Variants in THSD4 observed in about 807,000 individuals in gnomAD.
THSD4 encodes the protein thrombospondin type 1 domain containing 4, also known as thrombospondin type-1 domain-containing protein 4.
Under a neutral mutation model 119.0 loss-of-function variants are expected in THSD4, and 69 were observed. That is an observed-to-expected ratio of 0.58 (90% CI 0.48 to 0.71). THSD4 has a LOEUF of 0.71. Ranked by LOEUF, THSD4 falls within the 30% of genes least tolerant of loss-of-function variation. The pLI is 0.00. For missense variants in THSD4, 1,393 were observed against 1,391.1 expected (o/e 1.00, Z -0.02); for synonymous variants, 524 against 540.4 (o/e 0.97, Z 0.42).
intron 7 of THSD4, among the ~76,000 whole-genome samples, chr15:71,651,416 G>A (rs1007038840): frequency 6.6e-6 from 1 of 152,144 alleles, no homozygotes; most frequent in Non-Finnish European, 1.5e-5. Context: ...TCTTCAGCCT[G>A]CCATTTCCCA....
intron 7 of THSD4, among the ~76,000 whole-genome samples, chr15:71,470,924 C>T (rs1298591393): frequency 2.6e-5 from 4 of 152,090 alleles, no homozygotes; most frequent in South Asian, 2.1e-4. Flanking sequence ...CGTGAGCCAC[C>T]GCGCCCGGCC....
chr15:71,532,077 G>A (rs2048617174), intron 7 of THSD4, among the ~76,000 whole-genome samples: 1 of 138,208 alleles, frequency 7.2e-6, no homozygotes, highest in Non-Finnish European at 1.6e-5. Flanking sequence ...AAGCCATGCT[G>A]AGGAGTAAGT....
At chr15:71,199,673 AG>A in intron 3 of THSD4, among the ~76,000 whole-genome samples, 1 of 22,026 alleles carries the variant, frequency 4.5e-5, no homozygotes, top group Non-Finnish European at 8.5e-5. Context: ...GCATGTGTGG[AG>A]GGTGTGTGTG....
At chr15:71,428,076 T>A (rs983023416) in intron 7 of THSD4, among the ~76,000 whole-genome samples, 2 of 152,026 alleles carry the variant, frequency 1.3e-5, no homozygotes, top group African/African-American at 4.8e-5. Flanking sequence ...AACTGAGAAA[T>A]GAGGGGAAAC....
At chr15:71,314,481 A>G (rs1441518723) in intron 6 of THSD4, among the ~76,000 whole-genome samples, 2 of 151,848 alleles carry the variant, frequency 1.3e-5, no homozygotes, top group East Asian at 1.9e-4. Flanking sequence ...TAATTATTGT[A>G]TATTTAGTGG....
chr15:71,098,430 A>C (rs184598676), intron 1 of THSD4, among the ~76,000 whole-genome samples: 6 of 151,906 alleles, frequency 3.9e-5, no homozygotes, highest in African/African-American at 1.2e-4. Context: ...ATGATTTCAT[A>C]ATTTGTGTAT....
chr15:71,362,825 T>C lies in THSD4; in HGVS notation c.1016-48862T>C, dbSNP rs183155869. ...ATCCACTTTATTTCATTGTGTTTTA[T>C]ATTCTTCTCTATGTATACTCACTGC... On this transcript the variant is annotated intron_variant, in intron 6 of 17. Coordinates refer to ENST00000261862, the MANE Select transcript of THSD4 (RefSeq NM_024817.3). Among the ~76,000 whole-genome samples the C allele has an allele frequency of 1.6e-3, 245 of 152,328 alleles. 3 individuals carry two copies. The highest frequency in any genetic ancestry group is 3.0e-3 in the Non-Finnish European group (206 of 68,022).
In THSD4 at chr15:71,753,072, CAG is replaced by C. The variant is rs2053478127; in HGVS notation, c.2415+4481_2415+4482del. On this transcript the variant is annotated intron_variant, in intron 14 of 17. Transcript: ENST00000261862. ...TAAAGTTCGCAAACACTTAAGAGTA[CAG>C]AGTGTGTCTTATTGCCCAATTTAAA... Among the ~76,000 whole-genome samples, 4 of 152,322 alleles carry C rather than the reference CAG, an allele frequency of 2.6e-5. No individual in the cohort carries two copies. The South Asian group carries it at 8.3e-4, about 32-fold the overall frequency.
intron 6 of THSD4, among the ~76,000 whole-genome samples, chr15:71,270,237 T>C (rs746463221): frequency 2.6e-5 from 4 of 152,242 alleles, no homozygotes; most frequent in African/African-American, 9.6e-5. Flanking sequence ...AGCATGGTAC[T>C]GGTACCAAAA....
intron 7 of THSD4, among the ~76,000 whole-genome samples, chr15:71,548,075 G>A (rs964130905): frequency 2.0e-5 from 3 of 149,848 alleles, no homozygotes; most frequent in Non-Finnish European, 3.0e-5. Flanking sequence ...TACTGGTTTA[G>A]TTCATGTGAT....
intron 6 of THSD4, among the ~76,000 whole-genome samples, chr15:71,354,870 T>A (rs1169584890): frequency 6.6e-6 from 1 of 152,196 alleles, no homozygotes; most frequent in Non-Finnish European, 1.5e-5. Flanking sequence ...ACTCTGGTTA[T>A]GCTTAGAACA....
intron 6 of THSD4, among the ~76,000 whole-genome samples, chr15:71,309,229 C>CTT (rs1286079909): frequency 1.3e-5 from 2 of 152,172 alleles, no homozygotes; most frequent in African/African-American, 4.8e-5. Context: ...GGATTACAGG[C>CTT]ATAAGACACC....
intron 7 of THSD4, among the ~76,000 whole-genome samples, chr15:71,549,121 C>G (rs992141383): frequency 2.0e-5 from 3 of 152,206 alleles, no homozygotes; most frequent in African/African-American, 7.2e-5. Flanking sequence ...TACAGGCTCA[C>G]CCAAATCTTG....
intron 6 of THSD4, among the ~76,000 whole-genome samples, chr15:71,260,261 C>T (rs553344519): frequency 1.3e-5 from 2 of 152,220 alleles, no homozygotes; most frequent in South Asian, 4.2e-4. Flanking sequence ...GACTTTAAGA[C>T]CTGGAAGAAC....
chr15:71,360,903 T>G (rs2045885309), intron 6 of THSD4, among the ~76,000 whole-genome samples: 1 of 152,216 alleles, frequency 6.6e-6, no homozygotes, highest in Non-Finnish European at 1.5e-5. Flanking sequence ...ATAATTTTAA[T>G]GGAAGTTTGC....
At chr15:71,613,217 C>G (rs2047689) in intron 7 of THSD4, among the ~76,000 whole-genome samples, 23,202 of 152,116 alleles carry the variant, frequency 0.15, 1,830 homozygotes, top group East Asian at 0.22. Flanking sequence ...GAAGTAAATT[C>G]AAGAAATGCC....
chr15:71,124,814 GAGA>G (rs1348231610), intron 1 of THSD4, among the ~76,000 whole-genome samples: 2 of 152,180 alleles, frequency 1.3e-5, no homozygotes, highest in African/African-American at 4.8e-5. Context: ...AGGCCGGGAT[GAGA>G]AGATCGCTTG....
chr15:71,644,695 A>C (rs1157840636), intron 7 of THSD4, among the ~76,000 whole-genome samples: 1 of 152,180 alleles, frequency 6.6e-6, no homozygotes, highest in Non-Finnish European at 1.5e-5. Flanking sequence ...TGCTGCTGAC[A>C]TGGTTTTCCA....
intron 7 of THSD4, among the ~76,000 whole-genome samples, chr15:71,512,602 G>GGAT (rs2048299196): frequency 6.6e-6 from 1 of 152,156 alleles, no homozygotes. Flanking sequence ...ATTTAACATA[G>GGAT]GATAAGGACT....
Sources: allele counts gnomAD v4.1 joint callset (sites outside exome capture counted in the v4.1 genomes callset), GRCh38; gene constraint gnomAD v4.1.1; transcripts MANE v1.5; gene names NCBI Gene and HGNC (gene_info 2026-07-23, HGNC 2026-07-21).